Variants in ACCSL observed in about 807,000 individuals in gnomAD.
ACCSL encodes the protein 1-aminocyclopropane-1-carboxylate synthase homolog (inactive) like, also known as probable inactive 1-aminocyclopropane-1-carboxylate synthase-like protein 2.
ACCSL carries 55 observed loss-of-function variants against 61.7 expected under a neutral mutation model. That is an observed-to-expected ratio of 0.89 (90% CI 0.72 to 1.12). ACCSL has a LOEUF of 1.12. Among genes scored for constraint, ACCSL ranks in the 50% most tolerant of loss-of-function variants. The pLI is 0.00. For missense variants in ACCSL, 632 were observed against 698.0 expected, an observed-to-expected ratio of 0.91 and a Z score of 1.07; for synonymous variants, 258 against 264.3, an observed-to-expected ratio of 0.98 and a Z score of 0.23.
chr11:44,044,533 A>G (rs1952588662), upstream of ACCSL, among the ~76,000 whole-genome samples: 1 of 152,136 alleles, frequency 6.6e-6, no homozygotes, highest in Non-Finnish European at 1.5e-5. Context: ...TTACATGCAC[A>G]TGAAGACGAT....
At chr11:43,958,320 C>G in the ACCSL span, among the ~76,000 whole-genome samples, 1 of 152,156 alleles carries the variant, frequency 6.6e-6, no homozygotes, top group African/African-American at 2.4e-5. Context: ...CCCACCTGGA[C>G]CTGCCAACTG....
chr11:43,947,718 G>A, the ACCSL span, among the ~76,000 whole-genome samples: 2 of 148,030 alleles, frequency 1.4e-5, no homozygotes, highest in African/African-American at 5.0e-5. Context: ...CCTGGGAGAT[G>A]GAGAGACACT....
the ACCSL span, among the ~76,000 whole-genome samples, chr11:43,976,311 G>A: frequency 2.0e-5 from 3 of 152,142 alleles, no homozygotes; most frequent in East Asian, 1.9e-4. Context: ...AGTATTCTCC[G>A]ATAATCTCCA....
At chr11:43,992,058 T>C in the ACCSL span, among the ~76,000 whole-genome samples, 1 of 145,354 alleles carries the variant, frequency 6.9e-6, no homozygotes, top group African/African-American at 2.5e-5. Flanking sequence ...TTCTTTCTTT[T>C]TTTTTTTTTT....
At chr11:43,968,478 T>A in the ACCSL span, among the ~76,000 whole-genome samples, 1 of 152,058 alleles carries the variant, frequency 6.6e-6, no homozygotes, top group African/African-American at 2.4e-5. Flanking sequence ...TATAATGGAG[T>A]TTGCATTATT....
At chr11:43,984,864 G>A in the ACCSL span, among the ~76,000 whole-genome samples, 2 of 152,246 alleles carry the variant, frequency 1.3e-5, no homozygotes, top group East Asian at 1.9e-4. Context: ...TCTGCTGGAC[G>A]GAGCAGAGGC....
the ACCSL span, chr11:43,942,350 G>C: frequency 4.8e-6 from 1 of 210,454 alleles, no homozygotes; most frequent in Non-Finnish European, 1.0e-5. Context: ...TGCCCGCCCA[G>C]TCGCGGCGAT....
the ACCSL span, among the ~76,000 whole-genome samples, chr11:44,040,379 C>A: frequency 6.6e-6 from 1 of 152,122 alleles, no homozygotes; most frequent in Non-Finnish European, 1.5e-5. Flanking sequence ...AGTTTGAGAA[C>A]CGTGGCTTCA....
At chr11:43,943,492 C>A in the ACCSL span, 34 of 1,383,340 alleles carry the variant, frequency 2.5e-5, no homozygotes, top group Non-Finnish European at 3.1e-5. The surrounding 1 kb of genome is among the most constrained non-coding windows in gnomAD (Gnocchi z 4.8). Context: ...CCGCTTTCCT[C>A]GTCCTTGTAA....
chr11:43,953,868 T>C, the ACCSL span, among the ~76,000 whole-genome samples: 2 of 152,170 alleles, frequency 1.3e-5, no homozygotes, highest in Non-Finnish European at 2.9e-5. Context: ...CCGTTCCCTA[T>C]TCCTTTACTT....
the ACCSL span, chr11:43,925,208 C>T: frequency 1.7e-3 from 615 of 357,928 alleles, 1 homozygote; most frequent in Non-Finnish European, 2.8e-3. Context: ...GGTGAACTCC[C>T]GTGCACATAC....
At chr11:44,012,373 G>T in the ACCSL span, among the ~76,000 whole-genome samples, 1 of 151,498 alleles carries the variant, frequency 6.6e-6, no homozygotes, top group South Asian at 2.1e-4. Flanking sequence ...TGCAACCTCC[G>T]CCTCCCGTGT....
the ACCSL span, among the ~76,000 whole-genome samples, chr11:44,031,100 C>A: frequency 6.6e-6 from 1 of 152,158 alleles, no homozygotes; most frequent in African/African-American, 2.4e-5. Context: ...CCCAAGGCAG[C>A]CTGCTTCACC....
the ACCSL span, among the ~76,000 whole-genome samples, chr11:43,947,633 GAGAA>G: frequency 2.0e-5 from 3 of 152,268 alleles, no homozygotes; most frequent in Non-Finnish European, 4.4e-5. Context: ...GCAATGGAAA[GAGAA>G]AGAGATGCAG....
At chr11:43,971,290 A>AG in the ACCSL span, among the ~76,000 whole-genome samples, 3 of 150,196 alleles carry the variant, frequency 2.0e-5, no homozygotes, top group South Asian at 4.3e-4. Flanking sequence ...GTCTCAAAAA[A>AG]AAAAAAAAGA....
chr11:43,953,007 T>C, the ACCSL span, among the ~76,000 whole-genome samples: 1 of 152,202 alleles, frequency 6.6e-6, no homozygotes, highest in African/African-American at 2.4e-5. Context: ...GCTGAGTGTT[T>C]CCATTGTTTA....
the ACCSL span, among the ~76,000 whole-genome samples, chr11:44,036,144 G>A: frequency 1.8e-4 from 27 of 152,146 alleles, no homozygotes; most frequent in Admixed American, 3.3e-4. Context: ...TTCGGCCCCC[G>A]CTGGAGGAAA....
rs1289378551 is a variant in ACCSL, at chr11:44,056,268, C to T, written c.1269C>T (p.Tyr423=). 1 of 1,614,226 alleles carries T rather than the reference C, an allele frequency of 6.2e-7. No individual in the cohort carries two copies. Among genetic ancestry groups the T allele is most frequent in the Admixed American group, 1.7e-5 (1 of 60,014 alleles). The change falls in exon 11 of 14, where the codon TAC becomes TAT. Residue 423 remains tyrosine, a synonymous_variant. Transcript: ENST00000378832. The stretch of plus-strand genomic sequence containing the variant: ...CCTCTGCTGTGAGTGCCTTTGGCTA[C>T]CTCCACAGTATTTCTGGCATCACCC... ...EVASAVSAFG[Y]LHSISGITQH...
chr11:43,996,283 G>A, the ACCSL span, among the ~76,000 whole-genome samples: 3 of 152,170 alleles, frequency 2.0e-5, no homozygotes, highest in Admixed American at 2.0e-4. Context: ...ACCATAGATG[G>A]CTCTAACCTG....
Sources: allele counts gnomAD v4.1 joint callset (sites outside exome capture counted in the v4.1 genomes callset), GRCh38; gene constraint gnomAD v4.1.1; non-coding constraint Gnocchi (gnomAD v3.1); transcripts MANE v1.5; gene names NCBI Gene and HGNC (gene_info 2026-07-23, HGNC 2026-07-21).